The following SPATA6 variants were observed in gnomAD, a reference collection of about 807,000 sequenced individuals.
SPATA6 encodes spermatogenesis associated 6, also known as spermatogenesis-associated protein 6.
Under a neutral mutation model 65.3 loss-of-function variants are expected in SPATA6, and 56 were observed. That is an observed-to-expected ratio of 0.86 (90% CI 0.69 to 1.07). The LOEUF (loss-of-function observed/expected upper bound fraction) is 1.07. Among genes scored for constraint, SPATA6 ranks in the 50% least tolerant of loss-of-function variants. The probability of loss-of-function intolerance (pLI) is 0.00; values close to 1 mark genes in which losing one functional copy is unlikely to be tolerated. For synonymous variants in SPATA6, 199 were observed against 213.2 expected (o/e 0.93, Z 0.58); for missense variants, 590 against 594.8 (o/e 0.99, Z 0.08).
chr1:48,466,443 A>ATC (rs1305746606), intron 1 of SPATA6, among the ~76,000 whole-genome samples: 1 of 152,132 alleles, frequency 6.6e-6, no homozygotes, highest in Non-Finnish European at 1.5e-5. Context: ...ATACTTAGTA[A>ATC]TAAGTACAAA....
At chr1:48,332,183 A>G (rs1177263891) in intron 11 of SPATA6, among the ~76,000 whole-genome samples, 1 of 152,224 alleles carries the variant, frequency 6.6e-6, no homozygotes, top group East Asian at 1.9e-4. Flanking sequence ...CAAGTCTAGC[A>G]TAACAACCAC....
At chr1:48,309,506 G>T (rs1259557352) in intron 11 of SPATA6, among the ~76,000 whole-genome samples, 1 of 152,048 alleles carries the variant, frequency 6.6e-6, no homozygotes, top group African/African-American at 2.4e-5. Flanking sequence ...TATAACTTTT[G>T]ATTGAAATTT....
Position 48,450,053 on chromosome 1 carries a change from A to T in SPATA6, c.238+1499T>A, listed in dbSNP as rs561529258. Among the ~76,000 whole-genome samples, 5 of 152,208 alleles carry T rather than the reference A, an allele frequency of 3.3e-5. No homozygotes were observed. In the East Asian group the frequency reaches 9.7e-4, roughly 29 times the overall value. On this transcript the variant is annotated intron_variant, in intron 3 of 12. Transcript: ENST00000371847. ...CATTTTTTTTTTAATTAAGGAACTG[A>T]AAAAGACTGCAAAACAGTACAGTAA...
At chr1:48,280,134 C>T in the SPATA6 span, among the ~76,000 whole-genome samples, 8 of 151,760 alleles carry the variant, frequency 5.3e-5, no homozygotes, top group Non-Finnish European at 8.8e-5. Flanking sequence ...TTGAAACCAA[C>T]GAGAACAAAG....
At chr1:48,319,560 T>G (rs72891553) in intron 11 of SPATA6, among the ~76,000 whole-genome samples, 1 of 152,040 alleles carries the variant, frequency 6.6e-6, no homozygotes, top group African/African-American at 2.4e-5. Flanking sequence ...GGAAAGAAGA[T>G]AGTGAAGTCA....
chr1:48,373,006 AG>A (rs981657171), intron 9 of SPATA6, among the ~76,000 whole-genome samples: 4 of 152,320 alleles, frequency 2.6e-5, no homozygotes, highest in African/African-American at 9.6e-5. Context: ...GCTGCCATGA[AG>A]GTCTCTGACA....
intron 11 of SPATA6, among the ~76,000 whole-genome samples, chr1:48,312,248 G>C (rs1194285983): frequency 1.3e-5 from 2 of 152,304 alleles, no homozygotes; most frequent in Non-Finnish European, 2.9e-5. Context: ...TGGAGATAAA[G>C]AGAATGGACA....
chr1:48,360,409 A>G (rs1025532446), intron 9 of SPATA6, among the ~76,000 whole-genome samples: 2 of 152,158 alleles, frequency 1.3e-5, no homozygotes, highest in South Asian at 2.1e-4. Flanking sequence ...AAGGAACTGT[A>G]ATTTTAAATG....
chr1:48,367,079 GT>G (rs1420459138), intron 9 of SPATA6, among the ~76,000 whole-genome samples: 17 of 152,242 alleles, frequency 1.1e-4, no homozygotes, highest in African/African-American at 4.1e-4. Context: ...GGAGCAGGTT[GT>G]TCAGTTTCCA....
At chr1:48,300,975 C>G (rs910980225) in intron 12 of SPATA6, among the ~76,000 whole-genome samples, 1 of 151,848 alleles carries the variant, frequency 6.6e-6, no homozygotes, top group African/African-American at 2.4e-5. Context: ...GGAAAAAGAT[C>G]TGAAACAGGA....
the SPATA6 span, among the ~76,000 whole-genome samples, chr1:48,277,729 G>A: frequency 1.5e-3 from 227 of 152,350 alleles, 2 homozygotes; most frequent in African/African-American, 5.3e-3. Context: ...GCCTGCCTCT[G>A]TAGGCTCCAC....
chr1:48,454,905 T>A (rs1274783498), intron 1 of SPATA6, among the ~76,000 whole-genome samples: 2 of 152,196 alleles, frequency 1.3e-5, no homozygotes, highest in African/African-American at 4.8e-5. Flanking sequence ...AAAAACCATA[T>A]AACCTGCCAT....
At chr1:48,277,995 A>C in the SPATA6 span, among the ~76,000 whole-genome samples, 1 of 152,192 alleles carries the variant, frequency 6.6e-6, no homozygotes, top group Non-Finnish European at 1.5e-5. Context: ...TTCCAGAGGA[A>C]TGATCAGACA....
At chr1:48,419,969 G>A (rs1653165380) in intron 3 of SPATA6, among the ~76,000 whole-genome samples, 1 of 152,160 alleles carries the variant, frequency 6.6e-6, no homozygotes, top group African/African-American at 2.4e-5. Context: ...CCAAAGGACT[G>A]TCTTTTTGTA....
chr1:48,463,391 G>A (rs1045769666), intron 1 of SPATA6, among the ~76,000 whole-genome samples: 1 of 151,932 alleles, frequency 6.6e-6, no homozygotes, highest in East Asian at 1.9e-4. Flanking sequence ...TTACACACAC[G>A]TAAATCTTAT....
intron 11 of SPATA6, among the ~76,000 whole-genome samples, chr1:48,318,555 T>G (rs1178526641): frequency 6.6e-6 from 1 of 151,688 alleles, no homozygotes; most frequent in Admixed American, 6.6e-5. Context: ...TACTTAGGAG[T>G]AAACTTGATT....
At chr1:48,388,347 A>G (rs1302504502) in intron 8 of SPATA6, among the ~76,000 whole-genome samples, 2 of 152,168 alleles carry the variant, frequency 1.3e-5, no homozygotes, top group Admixed American at 1.3e-4. Context: ...AAGTCCCCCC[A>G]AAACAAAAGC....
At chr1:48,429,375 C>T (rs1654189733) in intron 3 of SPATA6, among the ~76,000 whole-genome samples, 1 of 152,056 alleles carries the variant, frequency 6.6e-6, no homozygotes, top group African/African-American at 2.4e-5. Flanking sequence ...AGTGACCATA[C>T]ATGCTCAGGG....
At chr1:48,262,264 T>C in the SPATA6 span, 1 of 152,152 alleles carries the variant, frequency 6.6e-6, no homozygotes, top group Non-Finnish European at 1.5e-5. Context: ...TCAATGTGAA[T>C]ATACAATATG....
Sources: gnomAD v4.1 joint callset for allele counts (sites outside exome capture counted in the v4.1 genomes callset) on GRCh38, gnomAD v4.1.1 for gene constraint, MANE v1.5 for transcripts, NCBI Gene and HGNC (gene_info 2026-07-23, HGNC 2026-07-21) for gene names.